The following WDR7 variants were observed in gnomAD, a reference collection of about 807,000 sequenced individuals.
The protein encoded by WDR7 is WD repeat-containing protein 7.
Under a neutral mutation model 169.4 loss-of-function variants are expected in WDR7, and 46 were observed. The ratio of observed to expected loss-of-function variants is 0.27; its 90% CI spans 0.21 to 0.35. The LOEUF is 0.35. Among genes scored for constraint, WDR7 ranks in the 10% least tolerant of loss-of-function variants. The pLI is 1.00. For synonymous variants in WDR7, 612 were observed against 666.8 expected (o/e 0.92, Z 1.27); for missense variants, 1,534 against 1,859.3 (o/e 0.83, Z 3.22).
At chr18:56,886,017 C>T (rs1434149058) in intron 21 of WDR7, among the ~76,000 whole-genome samples, 1 of 152,024 alleles carries the variant, frequency 6.6e-6, no homozygotes, top group East Asian at 1.9e-4. Context: ...AATTGGTGTT[C>T]CTGAGAAAGA....
At chr18:56,994,877 G>A (rs1030110397) in intron 26 of WDR7, among the ~76,000 whole-genome samples, 2 of 152,142 alleles carry the variant, frequency 1.3e-5, no homozygotes, top group African/African-American at 2.4e-5. Context: ...ACTCACCAGA[G>A]GCTAGACAGT....
At chr18:56,679,874 G>A (rs1405164096) in intron 3 of WDR7, among the ~76,000 whole-genome samples, 1 of 152,144 alleles carries the variant, frequency 6.6e-6, no homozygotes, top group Non-Finnish European at 1.5e-5. Flanking sequence ...AACTATTTGT[G>A]TTCCCAAGTC....
At chr18:56,807,931 A>G (rs2044804212) in intron 19 of WDR7, among the ~76,000 whole-genome samples, 1 of 152,202 alleles carries the variant, frequency 6.6e-6, no homozygotes, top group African/African-American at 2.4e-5. Flanking sequence ...CAAGACATCT[A>G]TACTGTTAAT....
chr18:56,848,446 C>T (rs949037826), intron 20 of WDR7, among the ~76,000 whole-genome samples: 6 of 152,012 alleles, frequency 3.9e-5, no homozygotes, highest in Admixed American at 1.3e-4. Flanking sequence ...AATGCTGGAA[C>T]GAGTTAAGAC....
chr18:56,781,774 A>G, intron 19 of WDR7, 118 bp downstream of exon 19: 1 of 1,100,658 alleles, frequency 9.1e-7, no homozygotes, highest in Non-Finnish European at 1.2e-6. Flanking sequence ...CCTTAAAGTG[A>G]AAAGAACAGA....
At chr18:56,940,572 T>G (rs2047020766) in intron 25 of WDR7, among the ~76,000 whole-genome samples, 1 of 152,228 alleles carries the variant, frequency 6.6e-6, no homozygotes, top group Admixed American at 6.5e-5. Context: ...TATGGTCTTC[T>G]TCTTAAGAAT....
chr18:56,713,832 A>G (rs2026134266), intron 12 of WDR7, among the ~76,000 whole-genome samples: 1 of 152,222 alleles, frequency 6.6e-6, no homozygotes, highest in South Asian at 2.1e-4. Flanking sequence ...AGGAAGAAAT[A>G]TGAGTTATAA....
intron 20 of WDR7, among the ~76,000 whole-genome samples, chr18:56,855,300 A>G (rs1288226792): frequency 1.3e-5 from 2 of 151,824 alleles, no homozygotes; most frequent in Non-Finnish European, 2.9e-5. Flanking sequence ...TAGAATACTA[A>G]TAGTTTGTCA....
intron 26 of WDR7, among the ~76,000 whole-genome samples, chr18:56,970,867 G>GA (rs1423715448): frequency 6.6e-6 from 1 of 152,204 alleles, no homozygotes; most frequent in Non-Finnish European, 1.5e-5. Context: ...ACTGCTAAGT[G>GA]AAAAGATTTG....
Position 56,881,918 on chromosome 18 carries a change from C to T in WDR7, c.3526+1753C>T, listed in dbSNP as rs898394316. Among the ~76,000 whole-genome samples the T allele has an allele frequency of 2.0e-5, 3 of 152,300 alleles. No homozygotes were observed. The East Asian group carries it at 5.8e-4, about 29-fold the overall frequency. On this transcript the variant is annotated intron_variant, in intron 21 of 27. Coordinates refer to ENST00000254442, the MANE Select transcript of WDR7 (RefSeq NM_015285.3). ...TACAATTTAAAAAACACTTTCTTTC[C>T]TGTCTTTCCCCTCATTTGATCTTCA... is the stretch of plus-strand genomic sequence containing the variant.
At chr18:56,966,175 G>A (rs1350950311) in intron 26 of WDR7, among the ~76,000 whole-genome samples, 1 of 152,142 alleles carries the variant, frequency 6.6e-6, no homozygotes, top group African/African-American at 2.4e-5. Context: ...TAACCAAGGA[G>A]CAGGGTGGGG....
chr18:56,801,999 T>A (rs1429208839), intron 19 of WDR7, among the ~76,000 whole-genome samples: 1 of 152,184 alleles, frequency 6.6e-6, no homozygotes, highest in African/African-American at 2.4e-5. Flanking sequence ...AGGAATGGAA[T>A]TGCTTAGTTA....
chr18:56,766,223 G>A (rs2144993626), intron 16 of WDR7, among the ~76,000 whole-genome samples: 1 of 152,196 alleles, frequency 6.6e-6, no homozygotes, highest in African/African-American at 2.4e-5. Context: ...GTTTTGAGCA[G>A]TTTGATTGTG....
chr18:56,962,473 G>A lies in WDR7; in HGVS notation c.4108G>A (p.Val1370Ile). The stretch of plus-strand genomic sequence containing the variant: ...TTATGAGCGGAATCACAGAATAGCA[G>A]TTGGAGCTCGCCATGGTTCAGTGGC... ...SYYERNHRIA[V>I]GARHGSVALY... The change falls in exon 26 of 28, where the codon GTT becomes ATT. Residue 1370 changes from valine to isoleucine, a missense_variant. Val to Ile is a conservative substitution (Grantham distance 29). Coordinates refer to ENST00000254442, the MANE Select transcript of WDR7 (RefSeq NM_015285.3). 6.2e-7 allele frequency: 1 copy of A among 1,613,092 alleles called. No individual in the cohort carries two copies. Among genetic ancestry groups the A allele is most frequent in the East Asian group, 2.2e-5 (1 of 44,856 alleles).
chr18:56,761,628 ATC>A (rs1461271808), intron 16 of WDR7, among the ~76,000 whole-genome samples: 5 of 151,988 alleles, frequency 3.3e-5, no homozygotes, highest in African/African-American at 9.7e-5. Context: ...AACTTGATAT[ATC>A]TCTGCATTTA....
intron 20 of WDR7, among the ~76,000 whole-genome samples, chr18:56,834,308 T>A (rs2045362199): frequency 6.6e-6 from 1 of 152,144 alleles, no homozygotes; most frequent in Non-Finnish European, 1.5e-5. Flanking sequence ...GTCCACTGGT[T>A]AGTAGTAAGT....
Position 56,950,153 on chromosome 18 carries a change from A to T in WDR7, c.4064+10760A>T, listed in dbSNP as rs1226456005. Among the ~76,000 whole-genome samples, 3 of 152,228 alleles carry T rather than the reference A, an allele frequency of 2.0e-5. No individual in the cohort carries two copies. The East Asian group carries it at 5.8e-4, about 29-fold the overall frequency. On this transcript the variant is annotated intron_variant, in intron 25 of 27. Transcript: ENST00000254442. ...AGTGTTTTTCTCCAAGACAACCATGAGATTTCAGTATACAGAAGTGCTTTG... is the reference window on the plus strand; with the variant it reads ...AGTGTTTTTCTCCAAGACAACCATGTGATTTCAGTATACAGAAGTGCTTTG...
chr18:56,968,704 A>T lies in WDR7; in HGVS notation c.4164+6175A>T, dbSNP rs541633336. On this transcript the variant is annotated intron_variant, in intron 26 of 27. Coordinates refer to ENST00000254442, the MANE Select transcript of WDR7 (RefSeq NM_015285.3). ...TGTGCCTTGTCACGCAGCCTACAGC[A>T]CCCCCTCCACCCCACACCTTCTAGC... 1.0e-3 allele frequency among the ~76,000 whole-genome samples: 157 copies of T among 152,052 alleles called. 1 individual carries two copies. The highest frequency in any genetic ancestry group is 3.6e-3 in the African/African-American group (149 of 41,482).
chr18:56,705,921 C>T (rs2025941098), intron 12 of WDR7, among the ~76,000 whole-genome samples: 1 of 152,174 alleles, frequency 6.6e-6, no homozygotes, highest in South Asian at 2.1e-4. Flanking sequence ...TCCCTTGAAC[C>T]TGGGAGGTGG....
Sources: gnomAD v4.1 joint callset for allele counts (sites outside exome capture counted in the v4.1 genomes callset) on GRCh38, gnomAD v4.1.1 for gene constraint, MANE v1.5 for transcripts, NCBI Gene and HGNC (gene_info 2026-07-23, HGNC 2026-07-21) for gene names.